RORB: variants seen among roughly 807,000 people sequenced by gnomAD.
RORB encodes the protein nuclear receptor ROR-beta.
A neutral mutation model predicts 59.1 loss-of-function variants in RORB; 6 were observed. The ratio of observed to expected loss-of-function variants is 0.10; its 90% CI spans 0.06 to 0.20. The LOEUF (loss-of-function observed/expected upper bound fraction) is 0.20, where lower values mean the gene tolerates loss of function less well. RORB is among the 10% of genes least tolerant of loss of function. The probability of loss-of-function intolerance (pLI) is 1.00; values close to 1 mark genes in which losing one functional copy is unlikely to be tolerated. For missense variants in RORB, 320 were observed against 560.5 expected (o/e 0.57, Z 4.33); for synonymous variants, 215 against 204.5 (o/e 1.05, Z -0.44).
chr9:74,499,973 C>T (rs1825784282), intron 1 of RORB, among the ~76,000 whole-genome samples: 1 of 152,306 alleles, frequency 6.6e-6, no homozygotes, highest in African/African-American at 2.4e-5. Flanking sequence ...GATCTAGCAT[C>T]TCCTGAAGGA....
intron 1 of RORB, among the ~76,000 whole-genome samples, chr9:74,512,448 A>G (rs1180687529): frequency 1.3e-5 from 2 of 152,206 alleles, no homozygotes; most frequent in Non-Finnish European, 2.9e-5. Context: ...TATGATGTTC[A>G]CTGCTAAAGT....
chr9:74,630,310 T>C lies in RORB; in HGVS notation c.36T>C (p.Ile12=), dbSNP rs371998705. 2 of 1,613,482 alleles carry C rather than the reference T, an allele frequency of 1.2e-6. No homozygotes were observed. Among genetic ancestry groups the C allele is most frequent in the African/African-American group, 1.3e-5 (1 of 74,892 alleles). The stretch of plus-strand genomic sequence containing the variant: ...AAATTGAAGTGATACCATGCAAAAT[T>C]TGTGGCGATAAGTCCTCTGGGATCC... ...RAQIEVIPCK[I]CGDKSSGIHY... is the part of the protein sequence containing the mutation. Residue 12 remains isoleucine, a synonymous_variant, in exon 2 of 10, where the codon ATT becomes ATC. Transcript: ENST00000376896.
chr9:74,579,652 GA>G (rs1822691168), intron 1 of RORB, among the ~76,000 whole-genome samples: 2 of 152,068 alleles, frequency 1.3e-5, no homozygotes, highest in African/African-American at 2.4e-5. Flanking sequence ...CCCTTTCATT[GA>G]CTTTTCCTAT....
chr9:74,663,809 C>T lies in RORB; in HGVS notation c.892+1203C>T, dbSNP rs371792920. Among the ~76,000 whole-genome samples, 16 of 152,246 alleles carry T rather than the reference C, an allele frequency of 1.1e-4. No homozygotes were observed. The South Asian group carries it at 3.3e-3, about 32-fold the overall frequency. ...TCCATGTGAGACCCTCCAAAGACTGCTTGGACTTGCTCAAGGCTCCAAAAG... is the reference window on the plus strand; with the variant it reads ...TCCATGTGAGACCCTCCAAAGACTGTTTGGACTTGCTCAAGGCTCCAAAAG... On this transcript the variant is annotated intron_variant, in intron 6 of 9. Transcript: ENST00000376896.
At chr9:74,598,127 G>A (rs541199556) in intron 1 of RORB, among the ~76,000 whole-genome samples, 1 of 152,058 alleles carries the variant, frequency 6.6e-6, no homozygotes, top group Admixed American at 6.6e-5. Flanking sequence ...ATTTGTATTG[G>A]ACTGTGCTGA....
At chr9:74,625,283 T>C (rs569606873) in intron 1 of RORB, among the ~76,000 whole-genome samples, 17 of 152,138 alleles carry the variant, frequency 1.1e-4, no homozygotes, top group African/African-American at 3.9e-4. Flanking sequence ...AAAATATATA[T>C]CCCCCACAAT....
At chr9:74,507,818 A>C (rs774499005) in intron 1 of RORB, among the ~76,000 whole-genome samples, 3 of 152,030 alleles carry the variant, frequency 2.0e-5, no homozygotes, top group Non-Finnish European at 4.4e-5. Context: ...GGAATTAAAG[A>C]CTTTTAAAGA....
At chr9:74,608,074 C>T (rs1196097786) in intron 1 of RORB, among the ~76,000 whole-genome samples, 1 of 152,224 alleles carries the variant, frequency 6.6e-6, no homozygotes, top group Non-Finnish European at 1.5e-5. Context: ...CTGAAAGTTC[C>T]ATGAAGTAAG....
At chr9:74,678,925 A>G (rs767027709) in intron 9 of RORB, among the ~76,000 whole-genome samples, 8 of 151,746 alleles carry the variant, frequency 5.3e-5, no homozygotes, top group Non-Finnish European at 1.0e-4. Context: ...CCAGCTACTC[A>G]GGAGGCTAAG....
intron 9 of RORB, among the ~76,000 whole-genome samples, chr9:74,683,808 G>T (rs1221571787): frequency 2.0e-5 from 3 of 152,128 alleles, no homozygotes; most frequent in African/African-American, 7.2e-5. Context: ...GCTTTTGACT[G>T]TGTGGTAAAC....
intron 1 of RORB, among the ~76,000 whole-genome samples, chr9:74,510,526 A>G (rs1435807360): frequency 6.6e-6 from 1 of 152,156 alleles, no homozygotes; most frequent in African/African-American, 2.4e-5. Context: ...ATGTAATAGC[A>G]GTTAAAATTT....
At chr9:74,567,848 G>C (rs1822492069) in intron 1 of RORB, among the ~76,000 whole-genome samples, 1 of 152,126 alleles carries the variant, frequency 6.6e-6, no homozygotes, top group Admixed American at 6.5e-5. Context: ...CTTTGGAATG[G>C]AAGTGCCATG....
In RORB at chr9:74,587,021, G is replaced by C. The variant is rs141841255; in HGVS notation, c.8-43261G>C. ...TTAGCTGGTACTGCCTTACAGATCA[G>C]ATTGTTTAACTTTGGATTTTAACTT... On this transcript the variant is annotated intron_variant, in intron 1 of 9. Coordinates refer to ENST00000376896, the MANE Select transcript of RORB (RefSeq NM_006914.4). Among the ~76,000 whole-genome samples the C allele has an allele frequency of 8.0e-3, 1,222 of 152,222 alleles. 9 individuals are homozygous for C. Among genetic ancestry groups the C allele is most frequent in the Non-Finnish European group, 0.013 (897 of 68,014 alleles).
intron 1 of RORB, among the ~76,000 whole-genome samples, chr9:74,604,942 G>C (rs1168775100): frequency 6.6e-6 from 1 of 152,188 alleles, no homozygotes; most frequent in African/African-American, 2.4e-5. Context: ...AAATGCAAAT[G>C]CTGCTACATT....
chr9:74,507,781 A>G (rs934903312), intron 1 of RORB, among the ~76,000 whole-genome samples: 1 of 152,032 alleles, frequency 6.6e-6, no homozygotes, highest in Non-Finnish European at 1.5e-5. Flanking sequence ...GTTAACTTGT[A>G]TATAAATTGT....
intron 1 of RORB, among the ~76,000 whole-genome samples, chr9:74,613,474 G>A (rs911742829): frequency 8.5e-5 from 13 of 152,216 alleles, no homozygotes; most frequent in Non-Finnish European, 1.3e-4. Flanking sequence ...ATATGTCTCC[G>A]GTGATTCTGA....
intron 8 of RORB, among the ~76,000 whole-genome samples, chr9:74,671,035 G>A (rs889882162): frequency 6.6e-6 from 1 of 152,046 alleles, no homozygotes; most frequent in East Asian, 1.9e-4. Flanking sequence ...ATTGATGCTG[G>A]GCTGAATTTT....
intron 1 of RORB, among the ~76,000 whole-genome samples, chr9:74,575,640 T>C (rs1353013641): frequency 1.3e-5 from 2 of 151,910 alleles, no homozygotes; most frequent in Admixed American, 6.6e-5. Flanking sequence ...AAAGGCCCAA[T>C]TGTTAAAAAA....
At chr9:74,676,625 T>C (rs985020837) in intron 9 of RORB, among the ~76,000 whole-genome samples, 2 of 152,256 alleles carry the variant, frequency 1.3e-5, no homozygotes, top group African/African-American at 4.8e-5. Context: ...TTTAGGCCCA[T>C]AGCTCTATGC....
Sources: allele counts gnomAD v4.1 joint callset (sites outside exome capture counted in the v4.1 genomes callset), GRCh38; gene constraint gnomAD v4.1.1; transcripts MANE v1.5; gene names NCBI Gene and HGNC (gene_info 2026-07-23, HGNC 2026-07-21).